The following AFF2 variants were observed in gnomAD, a reference collection of about 807,000 sequenced individuals.
AFF2 encodes the protein AF4/FMR2 family member 2.
Under a neutral mutation model 76.9 loss-of-function variants are expected in AFF2, and 14 were observed. The observed-to-expected ratio is 0.18, with a 90% CI of 0.12 to 0.28. The LOEUF is 0.28. Ranked by LOEUF, AFF2 falls within the 10% of genes least tolerant of loss-of-function variation. AFF2 has a pLI of 1.00. For synonymous variants in AFF2, 398 were observed against 366.7 expected (o/e 1.09, Z -0.98); for missense variants, 868 against 1,001.1 (o/e 0.87, Z 1.79).
intron 3 of AFF2, among the ~76,000 whole-genome samples, chrX:148,696,857 A>G (rs1229669406): frequency 3.6e-5 from 4 of 111,843 alleles, no homozygotes; most frequent in Non-Finnish European, 7.5e-5. Context: ...TGCCCATGAT[A>G]TATACATTGT....
intron 1 of AFF2, among the ~76,000 whole-genome samples, chrX:148,544,257 C>A (rs961910251): frequency 8.9e-6 from 1 of 112,567 alleles, no homozygotes; most frequent in Non-Finnish European, 1.9e-5. Context: ...CCAGTCCTTT[C>A]CAAGTTGAAA....
intron 3 of AFF2, among the ~76,000 whole-genome samples, chrX:148,796,541 A>T (rs187559658): frequency 8.9e-6 from 1 of 112,376 alleles, no homozygotes; most frequent in Non-Finnish European, 1.9e-5. Context: ...GTATTGCATT[A>T]GACAATGCGA....
In AFF2 at chrX:148,837,666, C is replaced by T. The variant is rs782159274; in HGVS notation, c.1106C>T (p.Pro369Leu). 1.9e-5 allele frequency: 23 copies of T among 1,190,386 alleles called. No homozygotes were observed. Among genetic ancestry groups the T allele is most frequent in the Non-Finnish European group, 2.6e-5 (23 of 876,418 alleles). Reference sequence around the variant, plus strand: ...CATTAGGAGATGACCCATTCCTGGCCTACTCCTCTCACTTCCATGCATACT... The same window carrying T: ...CATTAGGAGATGACCCATTCCTGGCTTACTCCTCTCACTTCCATGCATACT... ...EILREMTHSW[P>L]TPLTSMHTAG... The change falls in exon 5 of 21, where the codon CCT becomes CTT. Residue 369 changes from proline (P) to leucine (L), a missense_variant. Transcript: ENST00000370460.
intron 18 of AFF2, 69 bp from the exon 19 acceptor site, chrX:148,980,669 T>C: frequency 1.1e-6 from 1 of 885,629 alleles, no homozygotes; most frequent in Non-Finnish European, 1.6e-6. Flanking sequence ...CACACTTCCA[T>C]CTGTTTCTGA....
At chrX:148,554,798 C>T (rs1264579905) in intron 1 of AFF2, among the ~76,000 whole-genome samples, 1 of 112,060 alleles carries the variant, frequency 8.9e-6, no homozygotes, top group African/African-American at 3.2e-5. Context: ...ATATGTTGGC[C>T]AGAACCGGGT....
rs185642728 is a variant in AFF2, at chrX:148,669,803, A to G, written c.1041+7035A>G. Reference sequence around the variant, plus strand: ...TTTTTTTGTGCATTCTTATGAAAATACAATAGTACTGAGTCCAAGGCTATA... The same window carrying G: ...TTTTTTTGTGCATTCTTATGAAAATGCAATAGTACTGAGTCCAAGGCTATA... On this transcript the variant is annotated intron_variant, in intron 3 of 20. Transcript: ENST00000370460. Among the ~76,000 whole-genome samples, 38 of 111,597 alleles carry G rather than the reference A, an allele frequency of 3.4e-4. No homozygotes were observed. In the East Asian group the frequency reaches 0.011, roughly 32 times the overall value.
chrX:148,660,088 C>T (rs782571715), intron 2 of AFF2, among the ~76,000 whole-genome samples: 2 of 111,905 alleles, frequency 1.8e-5, no homozygotes, highest in African/African-American at 3.2e-5. Flanking sequence ...AATATCTGTC[C>T]CTGACAGAGC....
intron 9 of AFF2, among the ~76,000 whole-genome samples, chrX:148,946,975 T>C (rs1212808219): frequency 8.9e-6 from 1 of 112,346 alleles, no homozygotes; most frequent in Non-Finnish European, 1.9e-5. Flanking sequence ...GATCAGGTTA[T>C]GGACATCTTT....
chrX:148,500,631 AGCCGCTGCCGCCGCC>A lies in AFF2; in HGVS notation c.-461_-447del, dbSNP rs1443363137. ...CCGCGGCCGCCGCCGCCGCCTGTGCAGCCGCTGCCGCCGCCGCCGCCGCCGCCGCCGCCGCCGCCG... is the reference window on the plus strand; with the variant it reads ...CCGCGGCCGCCGCCGCCGCCTGTGCAGCCGCCGCCGCCGCCGCCGCCGCCG... On this transcript the variant is annotated 5_prime_UTR_variant, in exon 1 of 21. Transcript: ENST00000370460. 1.6e-4 allele frequency: 10 copies of A among 62,504 alleles called. No individual in the cohort carries two copies. The highest frequency in any genetic ancestry group is 8.1e-4 in the Admixed American group (4 of 4,938). 5.2% of individuals were successfully genotyped at this position (62,504 alleles called of 1,213,427 possible). A position where few individuals can be genotyped will look rare whatever the true frequency, so the allele number is the denominator to read the frequency against.
chrX:148,676,352 T>C (rs5980382), intron 3 of AFF2, among the ~76,000 whole-genome samples: 6,961 of 111,783 alleles, frequency 0.062, 532 homozygotes, highest in African/African-American at 0.21. Flanking sequence ...GGCCCGTGAT[T>C]TTTTTAAACT....
chrX:148,648,231 T>G (rs1557255787), intron 1 of AFF2, among the ~76,000 whole-genome samples: 1 of 111,053 alleles, frequency 9.0e-6, no homozygotes, highest in Admixed American at 9.6e-5. Context: ...TTGTGGTGGC[T>G]AGGGAAGCAC....
chrX:148,620,176 G>A (rs1557251037), intron 1 of AFF2, among the ~76,000 whole-genome samples: 3 of 110,800 alleles, frequency 2.7e-5, no homozygotes, highest in Non-Finnish European at 5.7e-5. Context: ...TGGGCCATTG[G>A]TTGCATAAAG....
intron 9 of AFF2, among the ~76,000 whole-genome samples, chrX:148,911,249 AG>A (rs782690345): frequency 2.5e-3 from 274 of 111,069 alleles, no homozygotes; most frequent in Non-Finnish European, 3.9e-3. Context: ...AGTTTAAAAA[AG>A]ATATCTTAGG....
intron 3 of AFF2, among the ~76,000 whole-genome samples, chrX:148,697,778 T>C (rs1557261455): frequency 8.9e-6 from 1 of 111,767 alleles, no homozygotes; most frequent in African/African-American, 3.2e-5. Flanking sequence ...AAGCACCTGG[T>C]GGGGTTGTTG....
rs1324040460 is a variant in AFF2, at chrX:148,581,543, C to T, written c.48-70456C>T. Among the ~76,000 whole-genome samples, 4 of 93,923 alleles carry T rather than the reference C, an allele frequency of 4.3e-5. 1 individual carries two copies. Among genetic ancestry groups the T allele is most frequent in the African/African-American group, 1.3e-4 (3 of 23,882 alleles). 81.6% of individuals were successfully genotyped at this position (93,923 alleles called of 115,157 possible). A position where few individuals can be genotyped will look rare whatever the true frequency, so the allele number is the denominator to read the frequency against. On this transcript the variant is annotated intron_variant, in intron 1 of 20. Transcript: ENST00000370460. ...ACGTGTACACACATATATACGTATA[C>T]GTCTACGTGTACACACATATATACG...
intron 3 of AFF2, among the ~76,000 whole-genome samples, chrX:148,800,105 T>A: frequency 8.9e-6 from 1 of 112,105 alleles, no homozygotes; most frequent in Non-Finnish European, 1.9e-5. Context: ...CATTAATAGA[T>A]AAAAGTGTTT....
intron 1 of AFF2, among the ~76,000 whole-genome samples, chrX:148,563,524 G>A (rs1196728648): frequency 1.1e-4 from 12 of 111,080 alleles, no homozygotes; most frequent in African/African-American, 3.6e-4. Context: ...GGGTGATGGA[G>A]GTGAATGAAA....
chrX:148,660,344 C>T (rs907429569), intron 2 of AFF2, among the ~76,000 whole-genome samples: 1 of 111,344 alleles, frequency 9.0e-6, no homozygotes, highest in Non-Finnish European at 1.9e-5. Context: ...AAGGTTGATG[C>T]TTGCCAGGGT....
Position 148,908,341 on chromosome X carries a change from T to C in AFF2, c.1397+4083T>C, listed in dbSNP as rs184962117. Among the ~76,000 whole-genome samples, 302 of 112,232 alleles carry C rather than the reference T, an allele frequency of 2.7e-3. 2 individuals carry two copies. The highest frequency in any genetic ancestry group is 9.4e-3 in the African/African-American group (290 of 30,920). On this transcript the variant is annotated intron_variant, in intron 9 of 20. Coordinates refer to ENST00000370460, the MANE Select transcript of AFF2 (RefSeq NM_002025.4). ...TCCATGAAGTCTTCACAATTTATATTCAGAGATTGCAGTAAAGACAGGCGT... is the reference window on the plus strand; with the variant it reads ...TCCATGAAGTCTTCACAATTTATATCCAGAGATTGCAGTAAAGACAGGCGT...
Sources: allele counts gnomAD v4.1 joint callset (sites outside exome capture counted in the v4.1 genomes callset), GRCh38; gene constraint gnomAD v4.1.1; transcripts MANE v1.5; gene names NCBI Gene and HGNC (gene_info 2026-07-23, HGNC 2026-07-21).